The following MAP3K20 variants were observed in gnomAD, a reference collection of about 807,000 sequenced individuals.
MAP3K20 encodes mitogen-activated protein kinase kinase kinase 20, also known as HCCS-4.
A neutral mutation model predicts 85.7 loss-of-function variants in MAP3K20; 40 were observed. That is an observed-to-expected ratio of 0.47 (90% confidence interval 0.36 to 0.61). MAP3K20 has a LOEUF of 0.61. Ranked by LOEUF, MAP3K20 falls within the 20% of genes least tolerant of loss-of-function variation. The pLI is 0.00. For synonymous variants in MAP3K20, 325 were observed against 327.7 expected, an observed-to-expected ratio of 0.99 and a Z score of 0.09; for missense variants, 817 against 961.7, an observed-to-expected ratio of 0.85 and a Z score of 1.99.
intron 16 of MAP3K20, among the ~76,000 whole-genome samples, chr2:173,246,977 G>A (rs1684930846): frequency 6.6e-6 from 1 of 152,212 alleles, no homozygotes; most frequent in African/African-American, 2.4e-5. Flanking sequence ...AGTAGGAAGA[G>A]TAAATGAGAG....
At chr2:173,100,072 A>G (rs1687593242) in intron 2 of MAP3K20, among the ~76,000 whole-genome samples, 1 of 152,228 alleles carries the variant, frequency 6.6e-6, no homozygotes, top group Non-Finnish European at 1.5e-5. Context: ...AAGGGATCAG[A>G]TGCCACATAT....
intron 11 of MAP3K20, chr2:173,225,001 T>C: frequency 4.1e-6 from 4 of 983,916 alleles, no homozygotes; most frequent in Non-Finnish European, 4.8e-6. Context: ...CAGTGAGAAA[T>C]GTAAACATTC....
intron 2 of MAP3K20, among the ~76,000 whole-genome samples, chr2:173,100,876 C>T (rs1197739515): frequency 6.6e-6 from 1 of 152,144 alleles, no homozygotes; most frequent in Non-Finnish European, 1.5e-5. Flanking sequence ...ACATAGTCAT[C>T]ATCCGGAAGT....
In MAP3K20 at chr2:173,221,533, G is replaced by A. The variant is rs1394579058; in HGVS notation, c.987+4283G>A. ...ATGACATGGATAATAGTGAATGAAA[G>A]CAGAAAGCAAAGTAATAAAATCACA... On this transcript the variant is annotated intron_variant, in intron 11 of 19. Coordinates refer to ENST00000375213, the MANE Select transcript of MAP3K20 (RefSeq NM_016653.3). 4 of 1,526,322 alleles carry A rather than the reference G, an allele frequency of 2.6e-6. No homozygotes were observed. The East Asian group carries it at 9.3e-5, about 35-fold the overall frequency. The allele number at this position is 1,526,322 out of a possible 1,614,324, so 94.5% of individuals were successfully genotyped here.
intron 10 of MAP3K20, among the ~76,000 whole-genome samples, chr2:173,216,684 A>T (rs569216220): frequency 3.8e-4 from 58 of 152,282 alleles, no homozygotes; most frequent in African/African-American, 1.3e-3. Context: ...TCAACCACTT[A>T]CTGATGGTGT....
chr2:173,190,301 A>G (rs1559270287), intron 5 of MAP3K20, among the ~76,000 whole-genome samples: 1 of 152,130 alleles, frequency 6.6e-6, no homozygotes, highest in African/African-American at 2.4e-5. Context: ...CATGGAATCT[A>G]TCCCAGTTTG....
intron 11 of MAP3K20, among the ~76,000 whole-genome samples, chr2:173,220,601 T>G (rs1161611360): frequency 6.6e-6 from 1 of 152,138 alleles, no homozygotes; most frequent in Non-Finnish European, 1.5e-5. Flanking sequence ...CTAGACTAAT[T>G]TTTAGTGTAT....
intron 11 of MAP3K20, chr2:173,223,394 T>C (rs1684303882): frequency 2.2e-6 from 2 of 928,042 alleles, no homozygotes; most frequent in South Asian, 9.9e-5. Flanking sequence ...AAATAATATA[T>C]GTAAAGCACT....
Position 173,263,809 on chromosome 2 carries a change from C to A in MAP3K20, c.1616C>A (p.Pro539His), listed in dbSNP as rs762173112. 1 of 1,613,538 alleles carries A rather than the reference C, an allele frequency of 6.2e-7. No individual in the cohort carries two copies. The highest frequency in any genetic ancestry group is 8.5e-7 in the Non-Finnish European group (1 of 1,179,882). Residue 539 changes from proline to histidine, a missense_variant, in exon 19 of 20, where the codon CCT becomes CAT. Transcript: ENST00000375213. Reference protein sequence around the residue: ...VHSIQWSRTKPQDEVKAVQLA... With the variant: ...VHSIQWSRTKHQDEVKAVQLA... ...TCGATTCAGTGGAGTAGAACAAAACCTCAGGATGAAGTGAAAGCAGTCCAA... is the reference window on the plus strand; with the variant it reads ...TCGATTCAGTGGAGTAGAACAAAACATCAGGATGAAGTGAAAGCAGTCCAA...
intron 2 of MAP3K20, among the ~76,000 whole-genome samples, chr2:173,134,050 G>C (rs951659191): frequency 6.6e-5 from 10 of 151,422 alleles, no homozygotes; most frequent in Non-Finnish European, 1.5e-4. Flanking sequence ...CAGTGGACTG[G>C]GGTTTGAGAA....
intron 2 of MAP3K20, among the ~76,000 whole-genome samples, chr2:173,137,798 C>T (rs986451051): frequency 5.9e-5 from 9 of 152,118 alleles, no homozygotes; most frequent in Admixed American, 5.2e-4. Context: ...GCTGTTGACA[C>T]GTGGGCATCA....
At chr2:173,166,327 CTGTCAGTTGATAAACACTT>C (rs1388329442) in intron 2 of MAP3K20, 1 of 152,172 alleles carries the variant, frequency 6.6e-6, no homozygotes. Flanking sequence ...CACATTTTAT[CTGTCAGTTGATAAACACTT>C]TGGTTGTTTT....
At chr2:173,143,493 T>C (rs893055223) in intron 2 of MAP3K20, among the ~76,000 whole-genome samples, 1 of 152,238 alleles carries the variant, frequency 6.6e-6, no homozygotes. Flanking sequence ...TTCTCCAGGA[T>C]AGATCATAAA....
At chr2:173,174,918 C>T (rs896667865) in intron 3 of MAP3K20, among the ~76,000 whole-genome samples, 1 of 152,172 alleles carries the variant, frequency 6.6e-6, no homozygotes, top group Non-Finnish European at 1.5e-5. Flanking sequence ...AATGGCATAA[C>T]ATTAGGATTG....
At chr2:173,194,761 AAAG>A (rs1690771340) in intron 7 of MAP3K20, among the ~76,000 whole-genome samples, 1 of 132,750 alleles carries the variant, frequency 7.5e-6, no homozygotes, top group Non-Finnish European at 1.8e-5. Flanking sequence ...CCATTAAAAA[AAAG>A]GTTTTTTTTT....
chr2:173,182,788 T>C (rs1336134289), intron 3 of MAP3K20, 66 bp from the exon 4 acceptor site: 1 of 1,116,654 alleles, frequency 9.0e-7, no homozygotes, highest in East Asian at 2.9e-5. Flanking sequence ...TCAATGAAAA[T>C]ATAAAGTCTT....
At chr2:173,212,181 A>T (rs1191419606) in intron 10 of MAP3K20, 1 of 152,224 alleles carries the variant, frequency 6.6e-6, no homozygotes, top group Admixed American at 6.5e-5. Flanking sequence ...TTCATTCATT[A>T]TCCATTCATT....
intron 2 of MAP3K20, among the ~76,000 whole-genome samples, chr2:173,158,996 A>G (rs938999142): frequency 1.3e-5 from 2 of 152,216 alleles, no homozygotes; most frequent in African/African-American, 2.4e-5. Context: ...ATGGATAGAA[A>G]TGTAAAGCAT....
At chr2:173,103,161 G>A (rs981391381) in intron 2 of MAP3K20, among the ~76,000 whole-genome samples, 1 of 152,202 alleles carries the variant, frequency 6.6e-6, no homozygotes, top group Non-Finnish European at 1.5e-5. Context: ...ATCCGCTGCT[G>A]AACAAATCTT....
Sources: allele counts gnomAD v4.1 joint callset (sites outside exome capture counted in the v4.1 genomes callset), GRCh38; gene constraint gnomAD v4.1.1; transcripts MANE v1.5; gene names NCBI Gene and HGNC (gene_info 2026-07-23, HGNC 2026-07-21).